Variants in CAPN6 observed in about 807,000 individuals in gnomAD.
The protein encoded by CAPN6 is calpain 6, also known as calpain-6.
In CAPN6, 16 loss-of-function variants were observed where a neutral mutation model predicts 46.0. The ratio of observed to expected loss-of-function variants is 0.35; its 90% CI spans 0.24 to 0.53. The LOEUF (loss-of-function observed/expected upper bound fraction) is 0.53, where lower values mean the gene tolerates loss of function less well. CAPN6 is among the 20% of genes least tolerant of loss of function. CAPN6 has a pLI of 0.94. For missense variants in CAPN6, 461 were observed against 498.0 expected (o/e 0.93, Z 0.71); for synonymous variants, 206 against 172.8 (o/e 1.19, Z -1.51).
rs202048628 is a variant in CAPN6 at position 111,251,319 on chromosome X, A to G, written c.894-33T>C. On this transcript the variant is annotated intron_variant, in intron 6 of 12. Coordinates refer to ENST00000324068, the MANE Select transcript of CAPN6 (RefSeq NM_014289.4). ...TAAATAGAAAAAAAAAAAAAAGATAAATCATTATGTTTGCCATTGACTTCT... is the reference window on the plus strand; with the variant it reads ...TAAATAGAAAAAAAAAAAAAAGATAGATCATTATGTTTGCCATTGACTTCT... The G allele has an allele frequency of 4.7e-4, 536 of 1,144,243 alleles. 1 individual carries two copies. In the African/African-American group the frequency reaches 8.0e-3, roughly 17 times the overall value. The allele number at this position is 1,144,243 out of a possible 1,213,427, so 94.3% of individuals were successfully genotyped here.
intron 1 of CAPN6, among the ~76,000 whole-genome samples, chrX:111,269,738 G>T (rs1277849374): frequency 8.9e-6 from 1 of 111,792 alleles, no homozygotes; most frequent in African/African-American, 3.3e-5. Flanking sequence ...ACAAAGCCAG[G>T]CCAGAGGCTG....
chrX:111,252,342 ATGT>A lies in CAPN6; in HGVS notation c.661_663del (p.Thr221del). ...CAGCAGATCAGACCACCTTTGGTAA[ATGT>A]TTTGTACAGTTCTCCGAATAGCTTG... On this transcript the variant is annotated inframe_deletion, in exon 5 of 13. Transcript: ENST00000324068. 8.3e-7 allele frequency: 1 copy of A among 1,208,908 alleles called. No individual in the cohort carries two copies. Among genetic ancestry groups the A allele is most frequent in the Non-Finnish European group, 1.1e-6 (1 of 894,347 alleles).
chrX:111,264,720 A>AC (rs397936086), intron 1 of CAPN6, among the ~76,000 whole-genome samples: 1 of 109,645 alleles, frequency 9.1e-6, no homozygotes, highest in South Asian at 3.8e-4. Context: ...AAAAAAAAAA[A>AC]GGAGGAAAAA....
chrX:111,258,833 A>T (rs1345240628), intron 2 of CAPN6, among the ~76,000 whole-genome samples: 1 of 112,240 alleles, frequency 8.9e-6, no homozygotes, highest in Non-Finnish European at 1.9e-5. Context: ...GGAAGAATTT[A>T]TATATCTATG....
At position 111,252,388 on chromosome X, in the gene CAPN6, C is replaced by T. The variant is rs776494279; in HGVS notation, c.618G>A (p.Glu206=). 2.5e-6 allele frequency: 3 copies of T among 1,209,060 alleles called. No individual in the cohort carries two copies. In the East Asian group the frequency reaches 8.9e-5, roughly 36 times the overall value. ...TVDMQKGRYT[E]LVEEKYKLFG... is the part of the protein sequence containing the mutation. ...ATAGCTTGTACTTCTCCTCAACAAGCTCAGTGTATCTTCCTTTCTGCATGT... is the reference window on the plus strand; with the variant it reads ...ATAGCTTGTACTTCTCCTCAACAAGTTCAGTGTATCTTCCTTTCTGCATGT... Residue 206 remains glutamate (E), a synonymous_variant, in exon 5 of 13, where the codon GAG becomes GAA. Transcript: ENST00000324068.
intron 2 of CAPN6, among the ~76,000 whole-genome samples, chrX:111,255,896 A>G (rs1317813060): frequency 9.0e-6 from 1 of 111,393 alleles, no homozygotes; most frequent in Non-Finnish European, 1.9e-5. Context: ...TTGTTTTAGG[A>G]GAATTTTCTA....
At chrX:111,248,811 A>G in intron 9 of CAPN6, 40 bp from the exon 10 acceptor site, 1 of 1,194,492 alleles carries the variant, frequency 8.4e-7, no homozygotes, top group Middle Eastern at 2.3e-4. Flanking sequence ...TTCCACTCAA[A>G]TCATGGTTTT....
intron 1 of CAPN6, among the ~76,000 whole-genome samples, chrX:111,267,944 G>A (rs1172173523): frequency 3.6e-5 from 4 of 112,494 alleles, no homozygotes; most frequent in Admixed American, 2.8e-4. Context: ...TATGGTGAGA[G>A]AAAAGGGACT....
chrX:111,250,867 G>T, intron 8 of CAPN6, 50 bp downstream of exon 8: 1 of 1,092,534 alleles, frequency 9.2e-7, no homozygotes, highest in Non-Finnish European at 1.3e-6. Flanking sequence ...CAAGATCTGA[G>T]TTCCTATTGA....
rs756283562 is a variant in CAPN6 at position 111,257,285 on chromosome X, TTA to T, written c.166-2884_166-2883del. ...TCATCCCAGTGTTTTATGCCTCTGC[TTA>T]AAACCTACCTAAACACTCTTCACTC... On this transcript the variant is annotated intron_variant, in intron 2 of 12. Transcript: ENST00000324068. Among the ~76,000 whole-genome samples, 51 of 111,708 alleles carry T rather than the reference TTA, an allele frequency of 4.6e-4. 1 individual carries two copies. In the South Asian group the frequency reaches 0.02, roughly 43 times the overall value.
chrX:111,258,972 C>T (rs1035015857), intron 2 of CAPN6, among the ~76,000 whole-genome samples: 1 of 111,600 alleles, frequency 9.0e-6, no homozygotes, highest in African/African-American at 3.3e-5. Context: ...GTGAAATGTA[C>T]AGAATAGGCA....
In CAPN6 at chrX:111,248,571, G is replaced by C. The variant is rs766441218; in HGVS notation, c.1482C>G (p.Leu494=). Residue 494 remains leucine (L), a splice_region_variant and synonymous_variant, in exon 10 of 13, where the codon CTC becomes CTG. Transcript: ENST00000324068. The stretch of plus-strand genomic sequence containing the variant: ...AGGGCTTGCGAAGGAAACTGAACCT[G>C]AGCTGGACAGGCACTTCAGAGAAGA... ...LRIFSEVPVQ[L]RELTLDMPKM... 11 of 1,205,302 alleles carry C rather than the reference G, an allele frequency of 9.1e-6. No individual in the cohort carries two copies. The highest frequency in any genetic ancestry group is 1.2e-5 in the Non-Finnish European group (11 of 890,915).
Position 111,254,419 on chromosome X carries a change from T to G in CAPN6, c.166-16A>C, listed in dbSNP as rs753350542. On this transcript the variant is annotated splice_polypyrimidine_tract_variant and intron_variant, in intron 2 of 12. Transcript: ENST00000324068. Reference sequence around the variant, plus strand: ...CACAGATGTCCTATGAATACAATAATTGGTTATATGAGAGTCTGGGAAGAG... The same window carrying G: ...CACAGATGTCCTATGAATACAATAAGTGGTTATATGAGAGTCTGGGAAGAG... 3.4e-6 allele frequency: 4 copies of G among 1,170,848 alleles called. No individual in the cohort carries two copies. The African/African-American group carries it at 7.1e-5, about 21-fold the overall frequency.
chrX:111,249,399 A>G (rs1328610747), intron 8 of CAPN6, among the ~76,000 whole-genome samples: 1 of 110,780 alleles, frequency 9.0e-6, no homozygotes, highest in Non-Finnish European at 1.9e-5. Flanking sequence ...TTTAAATGCC[A>G]TATATAGAAA....
chrX:111,264,007 G>A, intron 1 of CAPN6, 56 bp from the exon 2 acceptor site: 1 of 813,921 alleles, frequency 1.2e-6, no homozygotes, highest in Non-Finnish European at 1.7e-6. Context: ...TCTTTTAAGG[G>A]TTACCTGAGA....
At position 111,248,960 on chromosome X, in the gene CAPN6, T is replaced by C. The variant is rs376298299; in HGVS notation, c.1256A>G (p.Tyr419Cys). 7 of 1,209,919 alleles carry C rather than the reference T, an allele frequency of 5.8e-6. No homozygotes were observed. In the African/African-American group the frequency reaches 8.7e-5, roughly 15 times the overall value. Residue 419 changes from tyrosine (Y) to cysteine (C), a missense_variant, in exon 9 of 13, where the codon TAC becomes TGC. Transcript: ENST00000324068. ...TYRRMGRPDN[Y>C]IIGFELFKVE... ...CTTGAAGAGCTCAAAGCCAATGATG[T>C]AATTGTCAGGTCTTCCCATTCGGCG...
intron 2 of CAPN6, among the ~76,000 whole-genome samples, chrX:111,255,763 C>T (rs2094983241): frequency 9.0e-6 from 1 of 111,686 alleles, no homozygotes. Flanking sequence ...TGGGCAAAGA[C>T]AAGTCCAAGC....
At chrX:111,263,212 A>G (rs1440656340) in intron 2 of CAPN6, among the ~76,000 whole-genome samples, 1 of 111,967 alleles carries the variant, frequency 8.9e-6, no homozygotes, top group African/African-American at 3.2e-5. Flanking sequence ...AGTAAAAAAT[A>G]CTAAAACCAA....
rs1569480583 is a variant in CAPN6, at chrX:111,247,488, C to T, written c.1623G>A (p.Leu541=). Residue 541 remains leucine (L), a synonymous_variant, in exon 12 of 13, where the codon TTG becomes TTA. Coordinates refer to ENST00000324068, the MANE Select transcript of CAPN6 (RefSeq NM_014289.4). The part of the protein sequence containing the change: ...KYANETVNPY[L]VIKCGKEEVR... ...CTTCCTCCTTTCCACATTTGATGAC[C>T]AAATATGGGTTTACAGCTGGAACAA... is the stretch of plus-strand genomic sequence containing the variant. The T allele has an allele frequency of 1.7e-6, 2 of 1,205,094 alleles. No individual in the cohort carries two copies. Among genetic ancestry groups the T allele is most frequent in the Non-Finnish European group, 2.2e-6 (2 of 892,735 alleles).
Sources: allele counts gnomAD v4.1 joint callset (sites outside exome capture counted in the v4.1 genomes callset), GRCh38; gene constraint gnomAD v4.1.1; transcripts MANE v1.5; gene names NCBI Gene and HGNC (gene_info 2026-07-23, HGNC 2026-07-21).